The following DGCR2 variants were observed in gnomAD, a reference collection of about 807,000 sequenced individuals.
The protein encoded by DGCR2 is integral membrane protein DGCR2/IDD.
A neutral mutation model predicts 51.6 loss-of-function variants in DGCR2; 24 were observed. The observed-to-expected ratio is 0.47, with a 90% confidence interval of 0.34 to 0.65. The LOEUF is 0.65. Among genes scored for constraint, DGCR2 ranks in the 30% least tolerant of loss-of-function variants. DGCR2 has a pLI of 0.01. For missense variants in DGCR2, 765 were observed against 772.1 expected (o/e 0.99, Z 0.11); for synonymous variants, 340 against 315.4 (o/e 1.08, Z -0.82).
chr22:19,051,889 T>C (rs1174547754), intron 6 of DGCR2, among the ~76,000 whole-genome samples: 1 of 152,142 alleles, frequency 6.6e-6, no homozygotes, highest in African/African-American at 2.4e-5. Context: ...TCTACATACA[T>C]ATCTGCATAC....
intron 7 of DGCR2, chr22:19,046,369 T>C (rs2082490148): frequency 6.6e-6 from 1 of 152,360 alleles, no homozygotes; most frequent in Non-Finnish European, 1.5e-5. Context: ...GTTGACCTTA[T>C]ATCTGGAGAC....
chr22:19,097,588 T>C (rs111682150), intron 1 of DGCR2, among the ~76,000 whole-genome samples: 2,530 of 152,280 alleles, frequency 0.017, 77 homozygotes, highest in African/African-American at 0.058. Context: ...GCACAGGTCA[T>C]GTCTGCACTG....
chr22:19,036,713 C>CA lies in DGCR2; in HGVS notation c.*2151dup, dbSNP rs929615104. 3.1e-4 allele frequency: 47 copies of CA among 150,192 alleles called. 1 individual carries two copies. The highest frequency in any genetic ancestry group is 3.0e-5 in the Non-Finnish European group (2 of 67,210). The allele number at this position is 150,192 out of a possible 1,614,324, so 9.3% of individuals were successfully genotyped here. A position where few individuals can be genotyped will look rare whatever the true frequency, so the allele number is the denominator to read the frequency against. On this transcript the variant is annotated 3_prime_UTR_variant, in exon 10 of 10. Transcript: ENST00000263196. ...TGCCATGTGGACCTTCTGCCTGGCC[C>CA]AACGTGCCAGTGGCCTGAGTGCTTG...
Position 19,084,788 on chromosome 22 carries a change from C to T in DGCR2, c.202+4580G>A, listed in dbSNP as rs1189157781. 1.2e-3 allele frequency among the ~76,000 whole-genome samples: 153 copies of T among 132,926 alleles called. 1 individual carries two copies. Among genetic ancestry groups the T allele is most frequent in the African/African-American group, 4.4e-3 (142 of 32,494 alleles). 87.2% of individuals were successfully genotyped at this position (132,926 alleles called of 152,430 possible). On this transcript the variant is annotated intron_variant, in intron 2 of 9. Transcript: ENST00000263196. ...GGGGGTCAGCCCCCGCCCGGCCAGC[C>T]GCCCCGTCCGGGAAGGAGGTGGGGG...
chr22:19,116,946 C>G (rs2083379459), intron 1 of DGCR2, among the ~76,000 whole-genome samples: 1 of 150,674 alleles, frequency 6.6e-6, no homozygotes, highest in Non-Finnish European at 1.5e-5. Flanking sequence ...AGGAAACATG[C>G]ATAATGAGAT....
intron 7 of DGCR2, chr22:19,047,185 T>TGCAAATGTAG (rs1307062108): frequency 2.0e-5 from 3 of 152,444 alleles, no homozygotes; most frequent in Admixed American, 2.0e-4. Flanking sequence ...TGGGCTTGGC[T>TGCAAATGTAG]GCAAATGTAG....
chr22:19,090,115 A>T (rs1344222852), intron 1 of DGCR2, among the ~76,000 whole-genome samples: 1 of 152,250 alleles, frequency 6.6e-6, no homozygotes, highest in Non-Finnish European at 1.5e-5. Flanking sequence ...ATTTTGTAGT[A>T]GAAAAGATTA....
intron 2 of DGCR2, among the ~76,000 whole-genome samples, chr22:19,086,113 C>T (rs1369781354): frequency 2.0e-5 from 3 of 152,052 alleles, no homozygotes; most frequent in Non-Finnish European, 2.9e-5. Flanking sequence ...TAAGAAAATA[C>T]GTATTACACA....
chr22:19,077,282 G>A (rs938418291), intron 2 of DGCR2, among the ~76,000 whole-genome samples: 1 of 152,130 alleles, frequency 6.6e-6, no homozygotes, highest in Non-Finnish European at 1.5e-5. Flanking sequence ...GTGTCACGAA[G>A]ACTTTATTAT....
chr22:19,097,213 T>C (rs2083151260), intron 1 of DGCR2, among the ~76,000 whole-genome samples: 1 of 152,070 alleles, frequency 6.6e-6, no homozygotes, highest in South Asian at 2.1e-4. Flanking sequence ...CCTGGCTTCC[T>C]ATATATCAGT....
intron 2 of DGCR2, among the ~76,000 whole-genome samples, chr22:19,082,222 C>CTTTTT (rs56725898): frequency 2.7e-4 from 24 of 88,036 alleles, no homozygotes; most frequent in African/African-American, 4.3e-4. Context: ...CTAATTATTT[C>CTTTTT]TTTTTTTTTT....
chr22:19,091,658 T>C (rs2083080138), intron 1 of DGCR2, among the ~76,000 whole-genome samples: 1 of 152,138 alleles, frequency 6.6e-6, no homozygotes, highest in Non-Finnish European at 1.5e-5. Context: ...ATGCCTGTAA[T>C]CCCAGCATTC....
At chr22:19,051,297 A>G (rs1490393249) in intron 6 of DGCR2, among the ~76,000 whole-genome samples, 1 of 152,166 alleles carries the variant, frequency 6.6e-6, no homozygotes, top group Non-Finnish European at 1.5e-5. Context: ...TGCCAGGAAA[A>G]AACAGCAACA....
At chr22:19,120,353 A>G (rs1472435794) in intron 1 of DGCR2, among the ~76,000 whole-genome samples, 2 of 151,988 alleles carry the variant, frequency 1.3e-5, no homozygotes, top group African/African-American at 4.8e-5. Flanking sequence ...GGCCACCTCC[A>G]CCCACCTCTG....
At chr22:19,040,963 T>C (rs2073775) in intron 9 of DGCR2, 95 bp downstream of exon 9, 480,156 of 1,105,104 alleles carry the variant, frequency 0.43, 107,826 homozygotes, top group African/African-American at 0.68. Flanking sequence ...AGAAGTGAGG[T>C]CCCTAGGCCT....
intron 1 of DGCR2, among the ~76,000 whole-genome samples, chr22:19,115,261 C>G (rs2083361744): frequency 6.6e-6 from 1 of 152,232 alleles, no homozygotes; most frequent in Non-Finnish European, 1.5e-5. Context: ...GAGGCAGCTC[C>G]CTCAGCACCG....
chr22:19,117,820 G>C (rs981553931), intron 1 of DGCR2, among the ~76,000 whole-genome samples: 1 of 152,238 alleles, frequency 6.6e-6, no homozygotes, highest in Non-Finnish European at 1.5e-5. Flanking sequence ...AAGGTAGAAA[G>C]TATATTACAT....
intron 2 of DGCR2, among the ~76,000 whole-genome samples, chr22:19,078,847 T>C (rs2082906766): frequency 6.6e-6 from 1 of 152,214 alleles, no homozygotes; most frequent in Admixed American, 6.5e-5. Flanking sequence ...TGTCTGGCTT[T>C]GGTATCAGGG....
chr22:19,102,244 G>A lies in DGCR2; in HGVS notation c.80-12754C>T, dbSNP rs117733930. Among the ~76,000 whole-genome samples, 383 of 152,280 alleles carry A rather than the reference G, an allele frequency of 2.5e-3. 21 individuals are homozygous for A. In the East Asian group the frequency reaches 0.069, roughly 27 times the overall value. On this transcript the variant is annotated intron_variant, in intron 1 of 9. Coordinates refer to ENST00000263196, the MANE Select transcript of DGCR2 (RefSeq NM_005137.3). ...GTCAATTTAATAAGGATGGAAAGTA[G>A]AATGGTGGTTGCCAAGGACTAGGGG...
Sources: allele counts gnomAD v4.1 joint callset (sites outside exome capture counted in the v4.1 genomes callset), GRCh38; gene constraint gnomAD v4.1.1; transcripts MANE v1.5; gene names NCBI Gene and HGNC (gene_info 2026-07-23, HGNC 2026-07-21).